The following RNF17 variants were observed in gnomAD, a reference collection of about 807,000 sequenced individuals.
The protein encoded by RNF17 is ring finger protein 17.
In RNF17, 31 loss-of-function variants were observed where a neutral mutation model predicts 200.5. The observed-to-expected ratio is 0.15, with a 90% confidence interval of 0.12 to 0.21. RNF17 has a LOEUF of 0.21. Ranked by LOEUF, RNF17 falls within the 10% of genes least tolerant of loss-of-function variation. RNF17 has a pLI of 1.00. For synonymous variants in RNF17, 606 were observed against 637.8 expected, an observed-to-expected ratio of 0.95 and a Z score of 0.75; for missense variants, 1,628 against 1,905.1, an observed-to-expected ratio of 0.85 and a Z score of 2.71.
chr13:24,796,585 C>G (rs913445434), intron 11 of RNF17, among the ~76,000 whole-genome samples: 7 of 152,032 alleles, frequency 4.6e-5, no homozygotes, highest in Non-Finnish European at 2.9e-5. Context: ...TAGCCTGTCC[C>G]CTTGTCTCCA....
chr13:24,887,282 T>A, the RNF17 span, among the ~76,000 whole-genome samples: 3 of 152,224 alleles, frequency 2.0e-5, no homozygotes, highest in South Asian at 2.1e-4. Flanking sequence ...ATACCACTTA[T>A]ACCAGGGGGC....
chr13:24,806,048 C>G (rs1446959998), intron 15 of RNF17, among the ~76,000 whole-genome samples: 2 of 152,126 alleles, frequency 1.3e-5, no homozygotes, highest in African/African-American at 2.4e-5. Flanking sequence ...GTCCCCACCC[C>G]ACAACAGGCC....
chr13:24,784,529 G>A (rs1477547968), intron 6 of RNF17, among the ~76,000 whole-genome samples: 1 of 152,084 alleles, frequency 6.6e-6, no homozygotes, highest in Non-Finnish European at 1.5e-5. Flanking sequence ...AGTCATGTCT[G>A]TACAGATTTT....
chr13:24,792,289 C>A (rs149889652), intron 9 of RNF17, among the ~76,000 whole-genome samples: 202 of 152,136 alleles, frequency 1.3e-3, no homozygotes, highest in African/African-American at 4.4e-3. Flanking sequence ...TTAGTATAAC[C>A]TGCATGTACT....
intron 15 of RNF17, among the ~76,000 whole-genome samples, chr13:24,812,616 A>G (rs1266110400): frequency 1.4e-5 from 2 of 143,512 alleles, no homozygotes; most frequent in East Asian, 2.2e-4. Context: ...CGTTGTTGAC[A>G]CTGGGAGCTG....
At chr13:24,759,460 T>C (rs1357285759), upstream of RNF17, among the ~76,000 whole-genome samples, 1 of 152,244 alleles carries the variant, frequency 6.6e-6, no homozygotes, top group African/African-American at 2.4e-5. Flanking sequence ...CTCAAGGTAT[T>C]ATGCCTCCAG....
intron 24 of RNF17, among the ~76,000 whole-genome samples, chr13:24,852,134 C>G (rs898031118): frequency 7.9e-6 from 1 of 126,908 alleles, no homozygotes. Context: ...TTCTCTCTCT[C>G]TCTTTTTTTT....
intron 15 of RNF17, among the ~76,000 whole-genome samples, chr13:24,811,251 C>T (rs1435789812): frequency 6.6e-6 from 1 of 151,734 alleles, no homozygotes; most frequent in East Asian, 1.9e-4. Context: ...CAACTTGGTT[C>T]CATTCTCCCC....
chr13:24,764,274 C>G lies in RNF17; in HGVS notation c.71C>G (p.Pro24Arg), dbSNP rs1332755596. The change falls in exon 1 of 36, where the codon CCC (proline) becomes CGC (arginine). Residue 24 changes from proline (P) to arginine (R), a missense_variant. By Grantham distance (103) the Pro-to-Arg change is moderately radical. Coordinates refer to ENST00000255324, the MANE Select transcript of RNF17 (RefSeq NM_031277.3). ...SYQRMGRKSQ[P>R]WGAAEIQCTR... is the part of the protein sequence containing the mutation. ...CAGCGAATGGGGAGGAAGAGTCAGC[C>G]CTGGGGTGCCGCTGAAATCCAGTGC... The G allele has an allele frequency of 1.2e-6, 2 of 1,611,572 alleles. No homozygotes were observed. The highest frequency in any genetic ancestry group is 2.7e-5 in the African/African-American group (2 of 75,034).
chr13:24,787,277 T>C (rs955084088), intron 6 of RNF17, among the ~76,000 whole-genome samples: 7 of 152,216 alleles, frequency 4.6e-5, no homozygotes, highest in African/African-American at 1.7e-4. Context: ...TGTTTAAGCA[T>C]ATTTAAGACA....
At chr13:24,827,431 A>G (rs973087569) in intron 16 of RNF17, among the ~76,000 whole-genome samples, 6 of 152,088 alleles carry the variant, frequency 3.9e-5, no homozygotes, top group Non-Finnish European at 8.8e-5. Flanking sequence ...CTAACTACAG[A>G]TTTTCAAATG....
Position 24,851,551 on chromosome 13 carries a change from T to C in RNF17, c.3300T>C (p.Gly1100=). 1 of 1,611,438 alleles carries C rather than the reference T, an allele frequency of 6.2e-7. No individual in the cohort carries two copies. The highest frequency in any genetic ancestry group is 8.5e-7 in the Non-Finnish European group (1 of 1,179,200). The change falls in exon 24 of 36, where the codon GGT becomes GGC. Residue 1100 remains glycine, a synonymous_variant. Coordinates refer to ENST00000255324, the MANE Select transcript of RNF17 (RefSeq NM_031277.3). ...VDVSKYLIKK[G]LALRERRINN... ...TTTCTAAATATTTGATTAAAAAGGG[T>C]TTGGCTTTGAGAGAAAGGAGGTATA...
chr13:24,847,015 C>A (rs529147094), intron 22 of RNF17, among the ~76,000 whole-genome samples: 311 of 127,082 alleles, frequency 2.4e-3, no homozygotes, highest in South Asian at 8.9e-3. Flanking sequence ...TTTAATGAAC[C>A]TGTGTGTGAT....
At chr13:24,781,476 CA>C (rs879928407) in intron 5 of RNF17, among the ~76,000 whole-genome samples, 110 of 146,484 alleles carry the variant, frequency 7.5e-4, no homozygotes, top group Non-Finnish European at 1.2e-3. Flanking sequence ...TCCCCACCAC[CA>C]AAAAAAAAAT....
intron 13 of RNF17, among the ~76,000 whole-genome samples, chr13:24,801,769 A>G (rs555312825): frequency 7.9e-5 from 12 of 152,132 alleles, no homozygotes; most frequent in Non-Finnish European, 1.6e-4. Flanking sequence ...TACTTTCAGA[A>G]TTACCTTTTG....
upstream of RNF17, among the ~76,000 whole-genome samples, chr13:24,763,802 T>C (rs1879118982): frequency 1.3e-5 from 2 of 152,190 alleles, no homozygotes; most frequent in Admixed American, 6.5e-5. Context: ...GGCCAAGCCC[T>C]GGATGCCCGA....
At chr13:24,783,386 A>G (rs1882692305) in intron 6 of RNF17, among the ~76,000 whole-genome samples, 1 of 152,198 alleles carries the variant, frequency 6.6e-6, no homozygotes, top group Admixed American at 6.5e-5. Context: ...AAGATTTCAT[A>G]GGACTTTTAA....
intron 30 of RNF17, among the ~76,000 whole-genome samples, chr13:24,867,327 T>G (rs538870896): frequency 2.0e-5 from 3 of 152,232 alleles, no homozygotes; most frequent in African/African-American, 7.2e-5. Context: ...CATCCAGCTT[T>G]CTTTTCACTT....
At chr13:24,754,864 C>G in the RNF17 span, among the ~76,000 whole-genome samples, 1 of 151,296 alleles carries the variant, frequency 6.6e-6, no homozygotes, top group South Asian at 2.1e-4. Flanking sequence ...GCACTGCACT[C>G]CAAACTGGGT....
Sources: gnomAD v4.1 joint callset for allele counts (sites outside exome capture counted in the v4.1 genomes callset) on GRCh38, gnomAD v4.1.1 for gene constraint, MANE v1.5 for transcripts, NCBI Gene and HGNC (gene_info 2026-07-23, HGNC 2026-07-21) for gene names.